The following GLIS3 variants were observed in gnomAD, a reference collection of about 807,000 sequenced individuals.
GLIS3 encodes zinc finger protein GLIS3.
In GLIS3, 53 loss-of-function variants were observed where a neutral mutation model predicts 78.6. The observed-to-expected ratio is 0.67, with a 90% CI of 0.54 to 0.85. The LOEUF (loss-of-function observed/expected upper bound fraction) is 0.85, where lower values mean the gene tolerates loss of function less well. GLIS3 is among the 40% of genes least tolerant of loss of function. The pLI is 0.00. For synonymous variants in GLIS3, 684 were observed against 509.9 expected, an observed-to-expected ratio of 1.34 and a Z score of -4.60; for missense variants, 1,703 against 1,231.1, an observed-to-expected ratio of 1.38 and a Z score of -5.74.
intron 4 of GLIS3, among the ~76,000 whole-genome samples, chr9:4,063,704 A>G (rs1826844845): frequency 6.6e-6 from 1 of 152,248 alleles, no homozygotes; most frequent in Non-Finnish European, 1.5e-5. Flanking sequence ...GACAAATATT[A>G]GAAAGGATTA....
chr9:3,880,804 G>A (rs1345152032), intron 7 of GLIS3, among the ~76,000 whole-genome samples: 1 of 152,178 alleles, frequency 6.6e-6, no homozygotes, highest in Admixed American at 6.5e-5. Flanking sequence ...CATGTGAAGA[G>A]GCAGAATTAC....
At chr9:4,112,289 C>G (rs974144237) in intron 4 of GLIS3, among the ~76,000 whole-genome samples, 17 of 152,200 alleles carry the variant, frequency 1.1e-4, no homozygotes, top group African/African-American at 3.9e-4. Flanking sequence ...AATTTTATTA[C>G]AAGAGAACAT....
chr9:4,208,854 G>C (rs1472391844), intron 2 of GLIS3, among the ~76,000 whole-genome samples: 2 of 152,150 alleles, frequency 1.3e-5, no homozygotes, highest in East Asian at 1.9e-4. Context: ...CCCTTCAGAG[G>C]AGGTGAATCT....
chr9:3,995,756 T>G (rs1232808431), intron 4 of GLIS3, among the ~76,000 whole-genome samples: 1 of 151,986 alleles, frequency 6.6e-6, no homozygotes, highest in Non-Finnish European at 1.5e-5. Flanking sequence ...TTAAGTGGAA[T>G]GCAGCAAAGA....
At chr9:3,892,646 G>C (rs1156962556) in intron 7 of GLIS3, among the ~76,000 whole-genome samples, 1 of 151,972 alleles carries the variant, frequency 6.6e-6, no homozygotes, top group East Asian at 1.9e-4. Context: ...ATTTCACTGT[G>C]GCTACAAACA....
Position 4,115,478 on chromosome 9 carries a change from A to C in GLIS3, c.1710+2290T>G, listed in dbSNP as rs376666323. On this transcript the variant is annotated intron_variant, in intron 4 of 10. Transcript: ENST00000381971. Reference sequence around the variant, plus strand: ...TATGTGTGTGGACTCCAAGACTATAAATATGTGTTTTGCAAAAGGCAGAAA... The same window carrying C: ...TATGTGTGTGGACTCCAAGACTATACATATGTGTTTTGCAAAAGGCAGAAA... 9.2e-5 allele frequency among the ~76,000 whole-genome samples: 14 copies of C among 152,262 alleles called. No homozygotes were observed. In the South Asian group the frequency reaches 1.7e-3, roughly 18 times the overall value.
chr9:4,397,263 G>C, the GLIS3 span, among the ~76,000 whole-genome samples: 1 of 148,456 alleles, frequency 6.7e-6, no homozygotes, highest in South Asian at 2.2e-4. Flanking sequence ...CTGACCTCGT[G>C]ATCCGCCCGC....
chr9:4,130,967 G>A (rs1392188822), intron 2 of GLIS3, among the ~76,000 whole-genome samples: 2 of 152,322 alleles, frequency 1.3e-5, no homozygotes, highest in Non-Finnish European at 2.9e-5. Flanking sequence ...GCTGCCCAAG[G>A]CCTTAGGAGC....
At chr9:4,360,137 A>G in the GLIS3 span, among the ~76,000 whole-genome samples, 12 of 152,158 alleles carry the variant, frequency 7.9e-5, no homozygotes, top group African/African-American at 2.9e-4. Flanking sequence ...GGTTTTATGC[A>G]AACCATGCTA....
intron 2 of GLIS3, among the ~76,000 whole-genome samples, chr9:4,333,391 G>A (rs966416487): frequency 6.6e-6 from 1 of 150,880 alleles, no homozygotes; most frequent in Non-Finnish European, 1.5e-5. Context: ...GGGAGAGAGG[G>A]AAAGAAAGAA....
At chr9:4,252,830 CCTTT>C (rs768005566) in intron 2 of GLIS3, among the ~76,000 whole-genome samples, 3 of 152,126 alleles carry the variant, frequency 2.0e-5, no homozygotes, top group Non-Finnish European at 4.4e-5. Context: ...TGATGCTATT[CCTTT>C]CTGTTTGTTA....
rs755087890 is a variant in GLIS3, at chr9:4,118,707, C to A, written c.771G>T (p.Gly257=). The A allele has an allele frequency of 2.5e-6, 4 of 1,614,000 alleles. No homozygotes were observed. Among genetic ancestry groups the A allele is most frequent in the Non-Finnish European group, 3.4e-6 (4 of 1,180,012 alleles). ...DLGDLLSLPP[G]TSMSSNSVSN... ...AGACACTATTGCTGGACATGGATGT[C>A]CCGGGAGGAAGGCTAAGGAGATCCC... The change falls in exon 4 of 11, where the codon GGG becomes GGT. Residue 257 remains glycine, a synonymous_variant. Transcript: ENST00000381971. The surrounding 1 kb of genome is among the most constrained non-coding windows in gnomAD (Gnocchi z 4.7).
At chr9:4,272,562 G>A (rs778187807) in intron 2 of GLIS3, among the ~76,000 whole-genome samples, 1 of 152,276 alleles carries the variant, frequency 6.6e-6, no homozygotes, top group African/African-American at 2.4e-5. Flanking sequence ...TAGGGTTATA[G>A]GGGATTAAAT....
intron 2 of GLIS3, among the ~76,000 whole-genome samples, chr9:4,152,350 C>A (rs1834749020): frequency 6.6e-6 from 1 of 152,184 alleles, no homozygotes; most frequent in Non-Finnish European, 1.5e-5. Flanking sequence ...TCCCTAAGGA[C>A]ATTCCCAACT....
the GLIS3 span, among the ~76,000 whole-genome samples, chr9:4,402,216 A>T: frequency 0.57 from 86,055 of 152,012 alleles, 25,125 homozygotes; most frequent in South Asian, 0.66. Context: ...AGGGAAAAGA[A>T]CAAGTCTCCA....
At chr9:4,470,439 G>T in the GLIS3 span, among the ~76,000 whole-genome samples, 885 of 152,286 alleles carry the variant, frequency 5.8e-3, 3 homozygotes, top group Non-Finnish European at 8.3e-3. Context: ...AGGATGCAAG[G>T]CTAGTTCAAC....
intron 9 of GLIS3, 98 bp from the exon 10 acceptor site, chr9:3,829,590 A>G: frequency 8.0e-7 from 1 of 1,257,318 alleles, no homozygotes; most frequent in Non-Finnish European, 1.2e-6. Flanking sequence ...TGGCTTCCTA[A>G]GACAAATGCC....
At chr9:4,221,284 G>A (rs1333613392) in intron 2 of GLIS3, among the ~76,000 whole-genome samples, 1 of 152,086 alleles carries the variant, frequency 6.6e-6, no homozygotes, top group East Asian at 1.9e-4. Flanking sequence ...GGGCATATGG[G>A]AATTCTTTAT....
At chr9:4,457,395 A>G in the GLIS3 span, among the ~76,000 whole-genome samples, 7 of 151,986 alleles carry the variant, frequency 4.6e-5, no homozygotes, top group Non-Finnish European at 1.0e-4. Flanking sequence ...TGCATTTATA[A>G]GGGAATTGAT....
Sources: allele counts gnomAD v4.1 joint callset (sites outside exome capture counted in the v4.1 genomes callset), GRCh38; gene constraint gnomAD v4.1.1; non-coding constraint Gnocchi (gnomAD v3.1); transcripts MANE v1.5; gene names NCBI Gene and HGNC (gene_info 2026-07-23, HGNC 2026-07-21).